SOBP: variants seen among roughly 807,000 people sequenced by gnomAD.
The protein encoded by SOBP is sine oculis-binding protein homolog.
In SOBP, 4 loss-of-function variants were observed where a neutral mutation model predicts 53.6. That is an observed-to-expected ratio of 0.07 (90% confidence interval 0.04 to 0.17). SOBP has a LOEUF of 0.17. Among genes scored for constraint, SOBP ranks in the 10% least tolerant of loss-of-function variants. The probability of loss-of-function intolerance (pLI) is 1.00; values close to 1 mark genes in which losing one functional copy is unlikely to be tolerated. For missense variants in SOBP, 1,088 were observed against 1,204.7 expected, an observed-to-expected ratio of 0.90 and a Z score of 1.43; for synonymous variants, 584 against 522.6, an observed-to-expected ratio of 1.12 and a Z score of -1.60.
At chr6:107,603,107 G>A (rs1786246950) in intron 5 of SOBP, among the ~76,000 whole-genome samples, 1 of 152,166 alleles carries the variant, frequency 6.6e-6, no homozygotes, top group Admixed American at 6.5e-5. Flanking sequence ...TCATGAACAT[G>A]CAAATGAATG....
At chr6:107,559,305 G>C (rs770660101) in intron 4 of SOBP, among the ~76,000 whole-genome samples, 2 of 152,078 alleles carry the variant, frequency 1.3e-5, no homozygotes, top group African/African-American at 4.8e-5. Context: ...CGACGTAAAG[G>C]GTGCATTTTT....
At chr6:107,550,379 T>A (rs558823128) in intron 4 of SOBP, among the ~76,000 whole-genome samples, 2 of 152,344 alleles carry the variant, frequency 1.3e-5, no homozygotes, top group South Asian at 4.1e-4. Flanking sequence ...GTGTGAATTG[T>A]CCTGTGCTTG....
At chr6:107,495,404 C>T (rs76061838) in intron 1 of SOBP, among the ~76,000 whole-genome samples, 2,415 of 152,284 alleles carry the variant, frequency 0.016, 68 homozygotes, top group East Asian at 0.1. Context: ...TCTCCATCCA[C>T]GAACTGGTGT....
intron 4 of SOBP, among the ~76,000 whole-genome samples, chr6:107,544,741 CAA>C (rs1276016263): frequency 3.9e-5 from 6 of 152,216 alleles, no homozygotes; most frequent in Admixed American, 6.5e-5. Context: ...TACCCACAAA[CAA>C]GAGAACAATT....
chr6:107,569,275 A>C (rs1785003550), intron 4 of SOBP, among the ~76,000 whole-genome samples: 1 of 152,178 alleles, frequency 6.6e-6, no homozygotes, highest in South Asian at 2.1e-4. Flanking sequence ...CAAAAATAAC[A>C]ATTTCATCAC....
At chr6:107,574,700 C>A (rs1253697464) in intron 4 of SOBP, among the ~76,000 whole-genome samples, 9 of 152,166 alleles carry the variant, frequency 5.9e-5, no homozygotes, top group African/African-American at 2.2e-4. Context: ...ATCCTTGCCT[C>A]ATCTTGGTCC....
chr6:107,635,616 C>A lies in SOBP; in HGVS notation c.*3+147C>A. 2 of 1,167,548 alleles carry A rather than the reference C, an allele frequency of 1.7e-6. No individual in the cohort carries two copies. Among genetic ancestry groups the A allele is most frequent in the Non-Finnish European group, 2.5e-6 (2 of 813,130 alleles). 72.3% of individuals were successfully genotyped at this position (1,167,548 alleles called of 1,614,324 possible). ...ACGGTGTGGTCACGCTATCAACATT[C>A]TGAGCCAGCAGCTCTGATGCTGAGT... On this transcript the variant is annotated intron_variant, in intron 6 of 6. Coordinates refer to ENST00000317357, the MANE Select transcript of SOBP (RefSeq NM_018013.4). The surrounding 1 kb of genome is among the most constrained non-coding windows in gnomAD (Gnocchi z 4.5).
chr6:107,620,351 A>G (rs1034579560), intron 5 of SOBP, among the ~76,000 whole-genome samples: 8 of 152,132 alleles, frequency 5.3e-5, no homozygotes, highest in Non-Finnish European at 1.2e-4. Context: ...CTCTGGCTTT[A>G]TTCCTATGAC....
At chr6:107,594,951 G>A (rs903598468) in intron 5 of SOBP, among the ~76,000 whole-genome samples, 5 of 152,228 alleles carry the variant, frequency 3.3e-5, no homozygotes, top group Admixed American at 6.5e-5. Context: ...AACACATGCC[G>A]CTGCCTTCTC....
Position 107,634,674 on chromosome 6 carries a change from C to T in SOBP, c.1830C>T (p.Pro610=). The change falls in exon 6 of 7, where the codon CCC becomes CCT. Residue 610 remains proline, a synonymous_variant. Transcript: ENST00000317357. The surrounding 1 kb of genome is among the most constrained non-coding windows in gnomAD (Gnocchi z 4.5). The stretch of plus-strand genomic sequence containing the variant: ...CGGGCCAGGCCCTGAGCCTGGCGCC[C>T]ACGCCCGCCGAGCATGGCCGGAGCG... ...GCSGQALSLA[P]TPAEHGRSEV... is the part of the protein sequence containing the mutation. The T allele has an allele frequency of 6.5e-7, 1 of 1,535,940 alleles. No individual in the cohort carries two copies. Among genetic ancestry groups the T allele is most frequent in the Non-Finnish European group, 8.7e-7 (1 of 1,147,174 alleles).
At chr6:107,524,221 A>G (rs938455290) in intron 3 of SOBP, among the ~76,000 whole-genome samples, 2 of 152,170 alleles carry the variant, frequency 1.3e-5, no homozygotes, top group South Asian at 2.1e-4. Context: ...TTGGTTTTCT[A>G]TGAGTGGTAG....
intron 5 of SOBP, among the ~76,000 whole-genome samples, chr6:107,628,798 G>A (rs1318230558): frequency 1.3e-5 from 2 of 152,216 alleles, no homozygotes; most frequent in East Asian, 3.8e-4. Flanking sequence ...TGGTGGCAGT[G>A]TCTAGACCCA....
intron 5 of SOBP, among the ~76,000 whole-genome samples, chr6:107,606,137 C>T (rs1266412529): frequency 3.6e-5 from 5 of 140,332 alleles, no homozygotes; most frequent in Non-Finnish European, 6.0e-5. Flanking sequence ...AGTGTAGTAG[C>T]GCGATCTCGG....
chr6:107,651,853 C>T (rs1771814717), intron 6 of SOBP, among the ~76,000 whole-genome samples: 1 of 152,182 alleles, frequency 6.6e-6, no homozygotes, highest in African/African-American at 2.4e-5. Context: ...TAAATCTACT[C>T]TGCTTGAGCT....
intron 6 of SOBP, among the ~76,000 whole-genome samples, chr6:107,640,889 C>A (rs972623716): frequency 8.5e-5 from 13 of 152,196 alleles, no homozygotes; most frequent in African/African-American, 3.1e-4. Flanking sequence ...TAGTGCAGCA[C>A]TGGTCCTGGC....
At chr6:107,564,683 A>G (rs1442526397) in intron 4 of SOBP, among the ~76,000 whole-genome samples, 3 of 149,174 alleles carry the variant, frequency 2.0e-5, no homozygotes, top group Non-Finnish European at 4.5e-5. Context: ...CGTGGCTCAG[A>G]GTTTCCCAGC....
chr6:107,573,036 C>T (rs1785121080), intron 4 of SOBP, among the ~76,000 whole-genome samples: 1 of 152,166 alleles, frequency 6.6e-6, no homozygotes. Flanking sequence ...CTGCTCAGGA[C>T]ATACCAGGAG....
intron 4 of SOBP, among the ~76,000 whole-genome samples, chr6:107,585,555 G>C (rs966123944): frequency 2.6e-5 from 4 of 152,158 alleles, no homozygotes; most frequent in Admixed American, 1.3e-4. Context: ...GTCGCATATA[G>C]CCAATCCTAT....
At chr6:107,643,971 C>T (rs567441178) in intron 6 of SOBP, among the ~76,000 whole-genome samples, 3 of 152,234 alleles carry the variant, frequency 2.0e-5, no homozygotes, top group South Asian at 2.1e-4. Flanking sequence ...AGAAATTCCC[C>T]AGCACTCAAA....
Sources: gnomAD v4.1 joint callset for allele counts (sites outside exome capture counted in the v4.1 genomes callset) on GRCh38, gnomAD v4.1.1 for gene constraint, Gnocchi (gnomAD v3.1) non-coding constraint, MANE v1.5 for transcripts, NCBI Gene and HGNC (gene_info 2026-07-23, HGNC 2026-07-21) for gene names.